PPARG: variants seen among roughly 807,000 people sequenced by gnomAD.
The protein encoded by PPARG is peroxisome proliferator activated receptor gamma.
In PPARG, 17 loss-of-function variants were observed where a neutral mutation model predicts 39.2. The observed-to-expected ratio is 0.43, with a 90% confidence interval of 0.30 to 0.65. The LOEUF is 0.65. Ranked by LOEUF, PPARG falls within the 30% of genes least tolerant of loss-of-function variation. The pLI, the probability that PPARG is intolerant of heterozygous loss-of-function variation, is 0.13. For synonymous variants in PPARG, 223 were observed against 215.7 expected, an observed-to-expected ratio of 1.03 and a Z score of -0.30; for missense variants, 406 against 585.9, an observed-to-expected ratio of 0.69 and a Z score of 3.17.
At chr3:12,398,706 A>G (rs34856298) in intron 5 of PPARG, among the ~76,000 whole-genome samples, 3,083 of 152,296 alleles carry the variant, frequency 0.02, 46 homozygotes, top group Non-Finnish European at 0.032. Context: ...AATTTTGGAA[A>G]TAAGAGGGCG....
intron 2 of PPARG, among the ~76,000 whole-genome samples, chr3:12,336,586 A>G (rs1020532468): frequency 1.3e-5 from 2 of 152,228 alleles, no homozygotes; most frequent in African/African-American, 4.8e-5. Flanking sequence ...AATTAATTTT[A>G]TCTACTCTAG....
chr3:12,417,229 C>T, intron 7 of PPARG, 75 bp downstream of exon 7: 5 of 1,449,420 alleles, frequency 3.4e-6, no homozygotes, highest in South Asian at 1.2e-5. Flanking sequence ...TTTGGATTTC[C>T]TTAGTGTTAG....
In PPARG at chr3:12,310,038, C is replaced by A. The variant is rs186199743; in HGVS notation, c.-82-2342C>A. Among the ~76,000 whole-genome samples, 21 of 152,252 alleles carry A rather than the reference C, an allele frequency of 1.4e-4. 1 individual carries two copies. In the East Asian group the frequency reaches 3.7e-3, roughly 27 times the overall value. ...CGGCAATCCTTGGTGTCTACTCCCC[C>A]CAGAATGGATCTTGTCTCTGCCCTA... is the stretch of plus-strand genomic sequence containing the variant. On this transcript the variant is annotated intron_variant, in intron 1 of 7. Transcript: ENST00000651735.
At chr3:12,316,205 C>G (rs1297765748) in intron 2 of PPARG, among the ~76,000 whole-genome samples, 2 of 152,192 alleles carry the variant, frequency 1.3e-5, no homozygotes, top group Non-Finnish European at 2.9e-5. Context: ...ACTTTGGCGT[C>G]TGAAAATGAG....
chr3:12,315,475 T>C (rs73025203), intron 2 of PPARG, among the ~76,000 whole-genome samples: 9,006 of 152,288 alleles, frequency 0.059, 288 homozygotes, highest in Middle Eastern at 0.082. Flanking sequence ...CCACTATCTT[T>C]GCAACCTTTC....
chr3:12,305,412 C>T (rs6805419), intron 1 of PPARG, among the ~76,000 whole-genome samples: 13,590 of 152,164 alleles, frequency 0.089, 2,014 homozygotes, highest in African/African-American at 0.31. Context: ...CACTAATCTT[C>T]AAATTGGTAG....
intron 7 of PPARG, among the ~76,000 whole-genome samples, chr3:12,427,366 C>T (rs531733267): frequency 2.0e-5 from 3 of 152,308 alleles, no homozygotes; most frequent in African/African-American, 4.8e-5. Flanking sequence ...AAACCCCAAA[C>T]GTGTCTGCAT....
intron 7 of PPARG, among the ~76,000 whole-genome samples, chr3:12,426,910 GGCAGTGT>G: frequency 6.6e-6 from 1 of 152,154 alleles, no homozygotes; most frequent in South Asian, 2.1e-4. Flanking sequence ...TCACTCAGCT[GGCAGTGT>G]GCACCCTTGG....
chr3:12,331,192 T>A (rs552904905), intron 2 of PPARG, among the ~76,000 whole-genome samples: 3 of 152,186 alleles, frequency 2.0e-5, no homozygotes, highest in Non-Finnish European at 4.4e-5. Flanking sequence ...AGAACAAGTA[T>A]TAACTAAAAT....
chr3:12,413,112 A>G (rs2050937359), intron 6 of PPARG, among the ~76,000 whole-genome samples: 1 of 152,236 alleles, frequency 6.6e-6, no homozygotes. Flanking sequence ...ACCACATTGT[A>G]CCAAATGTCA....
At chr3:12,298,973 C>G (rs1205016893) in intron 1 of PPARG, among the ~76,000 whole-genome samples, 3 of 152,028 alleles carry the variant, frequency 2.0e-5, no homozygotes, top group Non-Finnish European at 4.4e-5. Context: ...GTAGCTGGGA[C>G]TACAGGTGTG....
At chr3:12,425,041 C>T (rs192311287) in intron 7 of PPARG, among the ~76,000 whole-genome samples, 1 of 152,290 alleles carries the variant, frequency 6.6e-6, no homozygotes, top group Admixed American at 6.5e-5. Context: ...TTCTTAAGAT[C>T]GCTTATTACA....
intron 5 of PPARG, among the ~76,000 whole-genome samples, chr3:12,397,472 G>A (rs1220148518): frequency 2.0e-5 from 3 of 149,882 alleles, no homozygotes; most frequent in Admixed American, 6.7e-5. Flanking sequence ...GTGCAGTGGC[G>A]CGATCTAGGC....
intron 7 of PPARG, among the ~76,000 whole-genome samples, chr3:12,429,004 A>T (rs548679439): frequency 6.6e-6 from 1 of 152,274 alleles, no homozygotes; most frequent in Non-Finnish European, 1.5e-5. Flanking sequence ...GCCCAAGGTC[A>T]CAGAGCTGGT....
chr3:12,292,444 T>A (rs2046671516), intron 1 of PPARG, among the ~76,000 whole-genome samples: 1 of 152,166 alleles, frequency 6.6e-6, no homozygotes, highest in African/African-American at 2.4e-5. Flanking sequence ...CAGTTTAGTG[T>A]CACAACTTAA....
chr3:12,403,888 A>G (rs1188085414), intron 5 of PPARG, among the ~76,000 whole-genome samples: 4 of 152,204 alleles, frequency 2.6e-5, no homozygotes, highest in African/African-American at 9.6e-5. Flanking sequence ...AATTGTACTA[A>G]GTGCTGAGGA....
chr3:12,432,530 A>G (rs1033734104), intron 7 of PPARG, among the ~76,000 whole-genome samples: 3 of 152,272 alleles, frequency 2.0e-5, no homozygotes, highest in African/African-American at 7.2e-5. Context: ...AGCAAACATC[A>G]TAGTTGCTGA....
At chr3:12,325,515 C>T (rs1169032462) in intron 2 of PPARG, among the ~76,000 whole-genome samples, 2 of 152,018 alleles carry the variant, frequency 1.3e-5, no homozygotes, top group Non-Finnish European at 1.5e-5. Context: ...GCAGGAGAAT[C>T]GCTTGAACCC....
chr3:12,321,645 C>T (rs2125021765), intron 2 of PPARG, among the ~76,000 whole-genome samples: 1 of 152,276 alleles, frequency 6.6e-6, no homozygotes, highest in South Asian at 2.1e-4. Context: ...AGTTATATTT[C>T]ATCCCCTTTC....
Sources: gnomAD v4.1 joint callset for allele counts (sites outside exome capture counted in the v4.1 genomes callset) on GRCh38, gnomAD v4.1.1 for gene constraint, MANE v1.5 for transcripts, NCBI Gene and HGNC (gene_info 2026-07-23, HGNC 2026-07-21) for gene names.